The following ADAMTS3 variants were observed in gnomAD, a reference collection of about 807,000 sequenced individuals.
The protein encoded by ADAMTS3 is ADAM metallopeptidase with thrombospondin type 1 motif 3.
ADAMTS3 carries 73 observed loss-of-function variants against 129.0 expected under a neutral mutation model. The ratio of observed to expected loss-of-function variants is 0.57; its 90% CI spans 0.47 to 0.69. The LOEUF is 0.69. Ranked by LOEUF, ADAMTS3 falls within the 30% of genes least tolerant of loss-of-function variation. The pLI is 0.00. For missense variants in ADAMTS3, 1,457 were observed against 1,514.5 expected, an observed-to-expected ratio of 0.96 and a Z score of 0.63; for synonymous variants, 477 against 510.8, an observed-to-expected ratio of 0.93 and a Z score of 0.89.
At chr4:72,375,155 G>A (rs72863727) in intron 4 of ADAMTS3, among the ~76,000 whole-genome samples, 8,941 of 151,960 alleles carry the variant, frequency 0.059, 917 homozygotes, top group African/African-American at 0.21. Flanking sequence ...GGCTTTATGC[G>A]AGGCACTGTC....
At chr4:72,462,345 C>T (rs1198971129) in intron 3 of ADAMTS3, among the ~76,000 whole-genome samples, 3 of 151,942 alleles carry the variant, frequency 2.0e-5, no homozygotes, top group Non-Finnish European at 2.9e-5. Flanking sequence ...ATACTTGCTT[C>T]GTTTTTGTGC....
chr4:72,339,048 A>G (rs1224882237), intron 5 of ADAMTS3, among the ~76,000 whole-genome samples: 1 of 152,218 alleles, frequency 6.6e-6, no homozygotes, highest in African/African-American at 2.4e-5. Flanking sequence ...AAAAGCTGTA[A>G]TAACAAGAAT....
intron 3 of ADAMTS3, among the ~76,000 whole-genome samples, chr4:72,482,701 CA>C (rs1435425114): frequency 6.6e-6 from 1 of 152,056 alleles, no homozygotes; most frequent in African/African-American, 2.4e-5. Context: ...ATAACTGCAA[CA>C]GAATCTATAA....
intron 3 of ADAMTS3, among the ~76,000 whole-genome samples, chr4:72,449,066 C>T (rs1192682492): frequency 6.6e-6 from 1 of 151,638 alleles, no homozygotes; most frequent in Admixed American, 6.6e-5. Context: ...ATCATACTCT[C>T]CTTATTTTCC....
At position 72,290,959 on chromosome 4, in the gene ADAMTS3, G is replaced by T. The variant is rs779052888; in HGVS notation, c.2827C>A (p.Arg943Ser). ...CLQPLLDGTN[R>S]SVHSKYCMGD... is the part of the protein sequence containing the mutation. Reference sequence around the variant, plus strand: ...ATGCAGTATTTGCTGTGCACAGAGCGGTTGGTGCCATCAAGGAGTGGCTGA... The same window carrying T: ...ATGCAGTATTTGCTGTGCACAGAGCTGTTGGTGCCATCAAGGAGTGGCTGA... The change falls in exon 20 of 22, where the codon CGC becomes AGC. Residue 943 changes from arginine (R) to serine (S), a missense_variant. Arg to Ser is a moderately radical substitution (Grantham distance 110). Transcript: ENST00000286657. 5.6e-6 allele frequency: 9 copies of T among 1,613,918 alleles called. No homozygotes were observed. The highest frequency in any genetic ancestry group is 7.6e-6 in the Non-Finnish European group (9 of 1,179,976).
At chr4:72,402,175 T>A (rs566782235) in intron 4 of ADAMTS3, among the ~76,000 whole-genome samples, 2 of 152,302 alleles carry the variant, frequency 1.3e-5, no homozygotes, top group African/African-American at 4.8e-5. Context: ...TTTCTCCCAG[T>A]CATTGTATCT....
intron 4 of ADAMTS3, 23 bp downstream of exon 4, chr4:72,414,792 T>C (rs781193803): frequency 2.2e-6 from 3 of 1,363,638 alleles, no homozygotes; most frequent in Non-Finnish European, 2.9e-6. Context: ...TATTTCATTA[T>C]TAAGCTTTGT....
At chr4:72,321,390 C>T (rs1037724128) in intron 6 of ADAMTS3, among the ~76,000 whole-genome samples, 7 of 151,402 alleles carry the variant, frequency 4.6e-5, no homozygotes, top group African/African-American at 1.5e-4. Context: ...ACCATGTTGG[C>T]CAGGCTGGTC....
At chr4:72,347,554 T>G (rs964361398) in intron 4 of ADAMTS3, among the ~76,000 whole-genome samples, 3 of 152,066 alleles carry the variant, frequency 2.0e-5, no homozygotes, top group African/African-American at 7.2e-5. Flanking sequence ...TACTAGTGAT[T>G]TGTTTCTTAA....
At chr4:72,470,220 T>C (rs931025296) in intron 3 of ADAMTS3, among the ~76,000 whole-genome samples, 4 of 151,942 alleles carry the variant, frequency 2.6e-5, no homozygotes, top group African/African-American at 7.3e-5. Context: ...TTTCAGCAAC[T>C]CCTCTTACTT....
Position 72,288,811 on chromosome 4 carries a change from C to T in ADAMTS3, c.2989G>A (p.Asp997Asn). ...TCAGGCTTTTCACCATCACAGTGGTCCCCAGCCCTGCAGAGGACCTGCCTC... is the reference window on the plus strand; with the variant it reads ...TCAGGCTTTTCACCATCACAGTGGTTCCCAGCCCTGCAGAGGACCTGCCTC... ...EVRQVLCRAG[D>N]HCDGEKPESV... is the part of the protein sequence containing the mutation. The change falls in exon 21 of 22, where the codon GAC (aspartate) becomes AAC (asparagine). Residue 997 changes from aspartate to asparagine, a missense_variant. Coordinates refer to ENST00000286657, the MANE Select transcript of ADAMTS3 (RefSeq NM_014243.3). 1 of 1,613,874 alleles carries T rather than the reference C, an allele frequency of 6.2e-7. No homozygotes were observed. The highest frequency in any genetic ancestry group is 8.5e-7 in the Non-Finnish European group (1 of 1,179,934).
intron 2 of ADAMTS3, among the ~76,000 whole-genome samples, chr4:72,554,262 A>G (rs1460991452): frequency 1.3e-5 from 2 of 152,218 alleles, no homozygotes; most frequent in African/African-American, 4.8e-5. Flanking sequence ...ATTTCAATAT[A>G]CTTAGAAATT....
At chr4:72,298,557 T>C in intron 17 of ADAMTS3, 115 bp from the exon 18 acceptor site, 1 of 762,028 alleles carries the variant, frequency 1.3e-6, no homozygotes. Flanking sequence ...TTCAAATAGT[T>C]TCAAAAATTA....
At chr4:72,535,586 T>C (rs72656062) in intron 3 of ADAMTS3, among the ~76,000 whole-genome samples, 2 of 152,294 alleles carry the variant, frequency 1.3e-5, no homozygotes, top group Non-Finnish European at 2.9e-5. Context: ...AAGACCTACT[T>C]TGATAATGCT....
chr4:72,347,107 T>C (rs1038834351), intron 4 of ADAMTS3, among the ~76,000 whole-genome samples: 6 of 152,052 alleles, frequency 3.9e-5, no homozygotes, highest in African/African-American at 1.4e-4. Context: ...ATGAGAATAG[T>C]TGTTGGTCTA....
At chr4:72,391,198 A>G (rs1332381443) in intron 4 of ADAMTS3, among the ~76,000 whole-genome samples, 1 of 152,186 alleles carries the variant, frequency 6.6e-6, no homozygotes, top group Non-Finnish European at 1.5e-5. Context: ...GAGGGAAGAA[A>G]ATCCATCTTT....
chr4:72,449,032 C>T (rs1718325835), intron 3 of ADAMTS3, among the ~76,000 whole-genome samples: 3 of 151,668 alleles, frequency 2.0e-5, no homozygotes, highest in Admixed American at 2.0e-4. Context: ...TCTTGAAATG[C>T]TATTTTCCAC....
At chr4:72,431,011 A>AT (rs924583875) in intron 3 of ADAMTS3, among the ~76,000 whole-genome samples, 2 of 151,914 alleles carry the variant, frequency 1.3e-5, no homozygotes, top group Non-Finnish European at 1.5e-5. Flanking sequence ...AGATTTTAAG[A>AT]TTTTTTTTGT....
chr4:72,420,975 C>A (rs1327893046), intron 3 of ADAMTS3, among the ~76,000 whole-genome samples: 1 of 151,960 alleles, frequency 6.6e-6, no homozygotes, highest in Non-Finnish European at 1.5e-5. Flanking sequence ...TGGGATACAT[C>A]TTCTCAGGGG....
Sources: allele counts gnomAD v4.1 joint callset (sites outside exome capture counted in the v4.1 genomes callset), GRCh38; gene constraint gnomAD v4.1.1; transcripts MANE v1.5; gene names NCBI Gene and HGNC (gene_info 2026-07-23, HGNC 2026-07-21).